The following AMOTL1 variants were observed in gnomAD, a reference collection of about 807,000 sequenced individuals.
AMOTL1 encodes the protein angiomotin-like protein 1.
A neutral mutation model predicts 102.9 loss-of-function variants in AMOTL1; 45 were observed. The observed-to-expected ratio is 0.44, with a 90% CI of 0.34 to 0.56. The LOEUF is 0.56. Among genes scored for constraint, AMOTL1 ranks in the 20% least tolerant of loss-of-function variants. AMOTL1 has a pLI of 0.01. For missense variants in AMOTL1, 1,114 were observed against 1,225.6 expected, an observed-to-expected ratio of 0.91 and a Z score of 1.36; for synonymous variants, 481 against 484.7, an observed-to-expected ratio of 0.99 and a Z score of 0.10.
intron 3 of AMOTL1, among the ~76,000 whole-genome samples, chr11:94,761,226 T>G (rs1270153245): frequency 1.3e-5 from 2 of 151,618 alleles, no homozygotes; most frequent in Non-Finnish European, 2.9e-5. Context: ...TCTTGCTCTG[T>G]TACCCAGGCT....
At chr11:94,830,858 C>G (rs1377895621) in intron 5 of AMOTL1, among the ~76,000 whole-genome samples, 1 of 152,346 alleles carries the variant, frequency 6.6e-6, no homozygotes, top group Admixed American at 6.5e-5. Flanking sequence ...TAGATCCCAC[C>G]TTTTCTGTTG....
chr11:94,795,901 G>A (rs1951357772), intron 2 of AMOTL1, among the ~76,000 whole-genome samples: 1 of 152,126 alleles, frequency 6.6e-6, no homozygotes, highest in African/African-American at 2.4e-5. Flanking sequence ...GTTACCCTGA[G>A]GGGAGGACTG....
At chr11:94,744,306 T>G (rs748712097) in intron 3 of AMOTL1, among the ~76,000 whole-genome samples, 20 of 152,168 alleles carry the variant, frequency 1.3e-4, no homozygotes, top group Non-Finnish European at 2.2e-4. Context: ...TTAAAGGATA[T>G]AAATGAACAG....
intron 1 of AMOTL1, among the ~76,000 whole-genome samples, chr11:94,784,145 A>G (rs1043888328): frequency 1.3e-5 from 2 of 150,836 alleles, no homozygotes; most frequent in Admixed American, 6.6e-5. Flanking sequence ...CTTCCCTATA[A>G]CTAGATAGCT....
At chr11:94,735,622 A>G in intron 2 of AMOTL1, among the ~76,000 whole-genome samples, 1 of 152,202 alleles carries the variant, frequency 6.6e-6, no homozygotes, top group South Asian at 2.1e-4. Context: ...AATTTCATTT[A>G]GAAATTTTTG....
chr11:94,854,274 G>A (rs1190660838), intron 8 of AMOTL1, among the ~76,000 whole-genome samples, 192 bp downstream of exon 8: 1 of 152,200 alleles, frequency 6.6e-6, no homozygotes, highest in Non-Finnish European at 1.5e-5. Context: ...AGTGACAGAT[G>A]TCCTCACAGA....
chr11:94,809,982 T>A (rs531561043), intron 3 of AMOTL1, among the ~76,000 whole-genome samples: 1 of 152,288 alleles, frequency 6.6e-6, no homozygotes, highest in East Asian at 1.9e-4. Flanking sequence ...CACATAGAAA[T>A]AGATCTTATA....
Position 94,869,186 on chromosome 11 carries a change from C to G in AMOTL1, c.2489-12C>G. The G allele has an allele frequency of 6.4e-7, 1 of 1,563,060 alleles. No homozygotes were observed. The highest frequency in any genetic ancestry group is 1.4e-5 in the African/African-American group (1 of 73,040). ...AAAAAAGAATGTTGAAAAATCTGTT[C>G]TCTGCCCTCAGGATTGCTGCTGGGG... On this transcript the variant is annotated splice_polypyrimidine_tract_variant and intron_variant, in intron 11 of 12. Coordinates refer to ENST00000433060, the MANE Select transcript of AMOTL1 (RefSeq NM_130847.3).
At chr11:94,795,281 G>A in intron 2 of AMOTL1, 121 bp downstream of exon 2, 1 of 1,283,244 alleles carries the variant, frequency 7.8e-7, no homozygotes. Flanking sequence ...TCATCATATT[G>A]GATTATTGAT....
chr11:94,868,298 G>A (rs1007447701), intron 11 of AMOTL1, among the ~76,000 whole-genome samples: 6 of 152,188 alleles, frequency 3.9e-5, no homozygotes, highest in East Asian at 1.9e-4. Context: ...ACTTGATTGC[G>A]CTTACCGCCT....
intron 2 of AMOTL1, among the ~76,000 whole-genome samples, chr11:94,738,358 A>G (rs753371186): frequency 6.6e-6 from 1 of 151,846 alleles, no homozygotes; most frequent in African/African-American, 2.4e-5. Context: ...CCTGGTATCA[A>G]GCGATTCTCC....
intron 6 of AMOTL1, among the ~76,000 whole-genome samples, chr11:94,841,323 G>C (rs913265826): frequency 6.6e-6 from 1 of 152,006 alleles, no homozygotes; most frequent in Non-Finnish European, 1.5e-5. Flanking sequence ...GTGGTGGCAC[G>C]CACCTGTAAT....
intron 1 of AMOTL1, 33 bp downstream of exon 1, chr11:94,768,593 C>T (rs1469896056): frequency 2.5e-6 from 4 of 1,573,490 alleles, no homozygotes; most frequent in Non-Finnish European, 3.4e-6. Context: ...GCCGGGAGGG[C>T]GTCTCCGAGT....
At chr11:94,719,342 G>A (rs1169254645) in intron 1 of AMOTL1, among the ~76,000 whole-genome samples, 1 of 151,944 alleles carries the variant, frequency 6.6e-6, no homozygotes, top group Non-Finnish European at 1.5e-5. Flanking sequence ...AAATGTCTAG[G>A]CTAGGGTAGG....
chr11:94,751,594 T>C (rs1408047298), intron 3 of AMOTL1, among the ~76,000 whole-genome samples: 1 of 151,756 alleles, frequency 6.6e-6, no homozygotes, highest in Non-Finnish European at 1.5e-5. Context: ...TACACATTGC[T>C]CAGGAAGTGA....
intron 12 of AMOTL1, among the ~76,000 whole-genome samples, chr11:94,869,807 G>C (rs1224724256): frequency 6.6e-6 from 1 of 152,170 alleles, no homozygotes; most frequent in Admixed American, 6.5e-5. Context: ...CCAGAATTAG[G>C]CACCAGGTAC....
At chr11:94,727,945 C>G (rs1003542541) in intron 1 of AMOTL1, among the ~76,000 whole-genome samples, 10 of 152,214 alleles carry the variant, frequency 6.6e-5, no homozygotes, top group African/African-American at 2.4e-4. Context: ...TGTCTGCAGT[C>G]TGGCAGGCAA....
chr11:94,716,272 G>T (rs991870159), intron 1 of AMOTL1, among the ~76,000 whole-genome samples: 1 of 151,994 alleles, frequency 6.6e-6, no homozygotes, highest in Non-Finnish European at 1.5e-5. Flanking sequence ...GTAACTGTTT[G>T]TTGAAACATT....
intron 2 of AMOTL1, among the ~76,000 whole-genome samples, chr11:94,738,361 G>A (rs1024750594): frequency 6.6e-6 from 1 of 151,558 alleles, no homozygotes; most frequent in Non-Finnish European, 1.5e-5. Context: ...GGTATCAAGC[G>A]ATTCTCCTGC....
Sources: allele counts gnomAD v4.1 joint callset (sites outside exome capture counted in the v4.1 genomes callset), GRCh38; gene constraint gnomAD v4.1.1; transcripts MANE v1.5; gene names NCBI Gene and HGNC (gene_info 2026-07-23, HGNC 2026-07-21).